AVEN: variants seen among roughly 807,000 people sequenced by gnomAD.
AVEN encodes apoptosis and caspase activation inhibitor, also known as cell death regulator Aven.
AVEN carries 41 observed loss-of-function variants against 38.1 expected under a neutral mutation model. The ratio of observed to expected loss-of-function variants is 1.08; its 90% CI spans 0.84 to 1.40. The LOEUF (loss-of-function observed/expected upper bound fraction) is 1.40, where lower values mean the gene tolerates loss of function less well. AVEN is among the 40% of genes most tolerant of loss of function. The pLI is 0.00. For synonymous variants in AVEN, 206 were observed against 171.8 expected (o/e 1.20, Z -1.56); for missense variants, 605 against 438.8 (o/e 1.38, Z -3.38).
intron 2 of AVEN, among the ~76,000 whole-genome samples, chr15:33,983,380 T>C (rs1449192081): frequency 6.6e-6 from 1 of 151,902 alleles, no homozygotes; most frequent in Non-Finnish European, 1.5e-5. Context: ...ATTAACCCCA[T>C]TCAGTTAACA....
chr15:34,070,071 A>G (rs1900595977), intron 2 of AVEN, among the ~76,000 whole-genome samples: 1 of 152,236 alleles, frequency 6.6e-6, no homozygotes. Context: ...GGGAGGCCTC[A>G]GGAAACTTAC....
At chr15:34,007,885 G>C in intron 1 of AVEN, among the ~76,000 whole-genome samples, 1 of 152,058 alleles carries the variant, frequency 6.6e-6, no homozygotes, top group East Asian at 1.9e-4. Context: ...TCCTTCCTTT[G>C]CCATTTTCAC....
At chr15:33,931,349 C>CTTTTTTTTTTTTTTT (rs71119903) in intron 2 of AVEN, among the ~76,000 whole-genome samples, 3 of 89,274 alleles carry the variant, frequency 3.4e-5, no homozygotes, top group African/African-American at 1.0e-4. Context: ...TGAATATTTT[C>CTTTTTTTTTTTTTTT]TTTTTTTTTT....
intron 2 of AVEN, among the ~76,000 whole-genome samples, chr15:33,953,382 C>T (rs1324292758): frequency 1.1e-4 from 16 of 152,176 alleles, no homozygotes; most frequent in Non-Finnish European, 1.6e-4. Context: ...TACCTGACTT[C>T]AAACTATACT....
At chr15:33,914,974 T>C (rs555251058) in intron 2 of AVEN, among the ~76,000 whole-genome samples, 1 of 152,166 alleles carries the variant, frequency 6.6e-6, no homozygotes, top group Admixed American at 6.5e-5. Context: ...ATGACTGATT[T>C]CAGGGTTGGG....
In AVEN at chr15:33,983,150, G is replaced by GTA. The variant is rs1567447418; in HGVS notation, c.445+19881_445+19882insTA. On this transcript the variant is annotated intron_variant, in intron 2 of 5. Transcript: ENST00000306730. ...ACTCTGTGTGTGTGTGTGTGTGTGT[G>GTA]TGTGTGTGTATGTGTGTGTGTATAT... Among the ~76,000 whole-genome samples, 589 of 104,110 alleles carry GTA rather than the reference G, an allele frequency of 5.7e-3. 3 individuals carry two copies. Among genetic ancestry groups the GTA allele is most frequent in the African/African-American group, 0.036 (545 of 15,324 alleles). The allele number at this position is 104,110 out of a possible 152,430, so 68.3% of individuals were successfully genotyped here. A position where few individuals can be genotyped will look rare whatever the true frequency, so the allele number is the denominator to read the frequency against.
chr15:34,069,151 G>A (rs1900582447), intron 2 of AVEN, among the ~76,000 whole-genome samples: 3 of 151,974 alleles, frequency 2.0e-5, no homozygotes, highest in Admixed American at 2.0e-4. Context: ...GCTGGGCGCG[G>A]TGGCTCATGC....
intron 1 of AVEN, among the ~76,000 whole-genome samples, chr15:34,027,639 C>A (rs569240500): frequency 1.3e-5 from 2 of 152,072 alleles, no homozygotes; most frequent in South Asian, 4.2e-4. Flanking sequence ...AGCCCCATTC[C>A]CAGGAGGCTG....
intron 2 of AVEN, among the ~76,000 whole-genome samples, chr15:34,001,099 C>T (rs970127149): frequency 3.4e-5 from 5 of 149,138 alleles, no homozygotes; most frequent in Non-Finnish European, 5.9e-5. Context: ...CAGCTCACTA[C>T]AACCCCCACC....
chr15:33,877,005 A>G (rs1891260744), intron 2 of AVEN, among the ~76,000 whole-genome samples: 1 of 152,234 alleles, frequency 6.6e-6, no homozygotes, highest in African/African-American at 2.4e-5. Flanking sequence ...AAAGAGTAAT[A>G]AATTAATATA....
Position 33,939,257 on chromosome 15 carries a change from GAA to G in AVEN, c.446-63264_446-63263del, listed in dbSNP as rs2153053258. ...CTTCACTTCTATACAAATTGTCACT[GAA>G]TTTACAATGTGTTCAATAGTATTTA... On this transcript the variant is annotated intron_variant, in intron 2 of 5. Transcript: ENST00000306730. 3.3e-5 allele frequency among the ~76,000 whole-genome samples: 5 copies of G among 152,262 alleles called. No homozygotes were observed. In the South Asian group the frequency reaches 1.0e-3, roughly 32 times the overall value.
At chr15:33,874,135 AAG>A (rs1891124162) in intron 3 of AVEN, among the ~76,000 whole-genome samples, 2 of 152,198 alleles carry the variant, frequency 1.3e-5, no homozygotes, top group African/African-American at 2.4e-5. Context: ...TTAGTAATAA[AAG>A]AGCTCATTTT....
chr15:33,961,706 G>T (rs545007352), intron 2 of AVEN, among the ~76,000 whole-genome samples: 3 of 149,966 alleles, frequency 2.0e-5, no homozygotes, highest in Admixed American at 6.7e-5. Flanking sequence ...CCAGCTACTC[G>T]GGAGGCTGAG....
At chr15:34,074,218 G>A (rs1324551439) in intron 1 of AVEN, among the ~76,000 whole-genome samples, 3 of 150,966 alleles carry the variant, frequency 2.0e-5, no homozygotes, top group East Asian at 2.0e-4. Context: ...GGCTGATCTC[G>A]AACTCCTGAC....
At chr15:33,935,058 C>T (rs1056052608) in intron 2 of AVEN, among the ~76,000 whole-genome samples, 3 of 152,094 alleles carry the variant, frequency 2.0e-5, no homozygotes, top group Non-Finnish European at 4.4e-5. Context: ...GGCTCTTTCC[C>T]GGGGTGGAAC....
chr15:33,899,542 T>C (rs1033710548), intron 2 of AVEN, among the ~76,000 whole-genome samples: 1 of 133,184 alleles, frequency 7.5e-6, no homozygotes, highest in Non-Finnish European at 1.5e-5. Flanking sequence ...CCATCTCAGC[T>C]CACCGCAACC....
At chr15:33,917,840 C>G (rs529463724) in intron 2 of AVEN, among the ~76,000 whole-genome samples, 1 of 152,120 alleles carries the variant, frequency 6.6e-6, no homozygotes, top group Admixed American at 6.5e-5. Flanking sequence ...AGGGATAAGA[C>G]TACACACTGG....
chr15:34,007,055 C>T (rs1277762852), intron 1 of AVEN: 3 of 984,260 alleles, frequency 3.0e-6, no homozygotes, highest in South Asian at 9.4e-5. Flanking sequence ...ACCTGGACAT[C>T]GGTCACTGGT....
At position 34,063,335 on chromosome 15, in the gene AVEN, T is replaced by G. The variant is rs1462460878; in HGVS notation, n.1224A>C. ...CCATTGCTGCCTTCTACATCCCTGT[T>G]TCTGTCATGACCATCCTCTACTGTC... On this transcript the variant is annotated non_coding_transcript_exon_variant, in exon 5 of 12. Coordinates refer to the AVEN transcript ENST00000675287. This position sits in a 1 kb window ranked among gnomAD's most constrained non-coding sequence, Gnocchi z 4.1. 1.2e-6 allele frequency: 2 copies of G among 1,614,156 alleles called. No individual in the cohort carries two copies. Among genetic ancestry groups the G allele is most frequent in the Admixed American group, 1.7e-5 (1 of 60,014 alleles).
Sources: gnomAD v4.1 joint callset for allele counts (sites outside exome capture counted in the v4.1 genomes callset) on GRCh38, gnomAD v4.1.1 for gene constraint, Gnocchi (gnomAD v3.1) non-coding constraint, MANE v1.5 for transcripts, NCBI Gene and HGNC (gene_info 2026-07-23, HGNC 2026-07-21) for gene names.